KCNQ1: variants seen among roughly 807,000 people sequenced by gnomAD.
KCNQ1 encodes the protein potassium voltage-gated channel subfamily Q member 1.
Under a neutral mutation model 72.4 loss-of-function variants are expected in KCNQ1, and 49 were observed. That is an observed-to-expected ratio of 0.68 (90% confidence interval 0.54 to 0.86). KCNQ1 has a LOEUF of 0.86. Among genes scored for constraint, KCNQ1 ranks in the 40% least tolerant of loss-of-function variants. The pLI is 0.00. For missense variants in KCNQ1, 790 were observed against 945.1 expected (o/e 0.84, Z 2.15); for synonymous variants, 450 against 412.6 (o/e 1.09, Z -1.10).
intron 15 of KCNQ1, among the ~76,000 whole-genome samples, chr11:2,842,140 C>A (rs948577100): frequency 6.6e-6 from 1 of 152,308 alleles, no homozygotes; most frequent in Non-Finnish European, 1.5e-5. Flanking sequence ...AGCCTCTGAG[C>A]GGACACACTC....
At chr11:2,696,795 T>C (rs1048776494) in intron 11 of KCNQ1, 2 of 398,510 alleles carry the variant, frequency 5.0e-6, no homozygotes, top group Non-Finnish European at 8.8e-6. Flanking sequence ...TAGACTGGTA[T>C]AAATTTTGCT....
chr11:2,630,772 G>A (rs1302146253), intron 10 of KCNQ1: 2 of 398,354 alleles, frequency 5.0e-6, no homozygotes, highest in Admixed American at 8.8e-5. Context: ...AAGAGTAGTT[G>A]CTGATAAACT....
At position 2,762,569 on chromosome 11, in the gene KCNQ1, G is replaced by A. The variant is rs1248924399; in HGVS notation, c.1515-6275G>A. On this transcript the variant is annotated intron_variant, in intron 11 of 15. Coordinates refer to ENST00000155840, the MANE Select transcript of KCNQ1 (RefSeq NM_000218.3). This position sits in a 1 kb window ranked among gnomAD's most constrained non-coding sequence, Gnocchi z 4.3. ...CCACGGGTCCCCAGGCCACAGACCG[G>A]TACCCATCCATAGACTGTTAGGAAC... 6.6e-6 allele frequency among the ~76,000 whole-genome samples: 1 copy of A among 152,194 alleles called. No individual in the cohort carries two copies. Among genetic ancestry groups the A allele is most frequent in the Admixed American group, 6.5e-5 (1 of 15,280 alleles).
intron 11 of KCNQ1, among the ~76,000 whole-genome samples, chr11:2,751,680 G>A (rs1353337108): frequency 1.3e-5 from 2 of 152,264 alleles, no homozygotes; most frequent in African/African-American, 2.4e-5. Context: ...CTCGGTGAGC[G>A]TAGCGTTACC....
chr11:2,635,544 TCTGTTTTGGTACCAGTACCATG>T (rs1411401479), intron 10 of KCNQ1: 1 of 152,182 alleles, frequency 6.6e-6, no homozygotes, highest in Non-Finnish European at 1.5e-5. Flanking sequence ...GGTCTATATC[TCTGTTTTGGTACCAGTACCATG>T]CTGTTTTGGT....
intron 15 of KCNQ1, among the ~76,000 whole-genome samples, chr11:2,794,732 A>G (rs1026616266): frequency 5.3e-5 from 8 of 152,170 alleles, no homozygotes; most frequent in Non-Finnish European, 1.2e-4. Flanking sequence ...GGACCCAGCA[A>G]GAGAGCCTGA....
chr11:2,686,436 C>T (rs1162926007), intron 11 of KCNQ1: 5 of 398,562 alleles, frequency 1.3e-5, no homozygotes, highest in Admixed American at 8.8e-5. Flanking sequence ...AGAGCCCCTC[C>T]ACTGCCAAGT....
At position 2,462,027 on chromosome 11, in the gene KCNQ1, C is replaced by T; in HGVS notation, c.386+16543C>T. On this transcript the variant is annotated intron_variant, in intron 1 of 15. Coordinates refer to ENST00000155840, the MANE Select transcript of KCNQ1 (RefSeq NM_000218.3). This position sits in a 1 kb window ranked among gnomAD's most constrained non-coding sequence, Gnocchi z 8.2. ...GTCCCAATACAGCTGGGATGCATTG[C>T]TGCTCCTTCCGCCATCCCAGCAGCT... is the stretch of plus-strand genomic sequence containing the variant. 1 of 338,564 alleles carries T rather than the reference C, an allele frequency of 3.0e-6. No homozygotes were observed. Among genetic ancestry groups the T allele is most frequent in the Non-Finnish European group, 5.9e-6 (1 of 168,978 alleles). The allele number at this position is 338,564 out of a possible 1,614,324, so 21.0% of individuals were successfully genotyped here. A position where few individuals can be genotyped will look rare whatever the true frequency, so the allele number is the denominator to read the frequency against.
intron 15 of KCNQ1, among the ~76,000 whole-genome samples, chr11:2,836,079 G>T (rs1848061584): frequency 6.6e-6 from 1 of 152,174 alleles, no homozygotes; most frequent in African/African-American, 2.4e-5. Flanking sequence ...GGCGTGGCGG[G>T]GGTGGGGGTC....
At position 2,674,077 on chromosome 11, in the gene KCNQ1, G is replaced by A. The variant is rs962020332; in HGVS notation, c.1514+11996G>A. 2 of 398,684 alleles carry A rather than the reference G, an allele frequency of 5.0e-6. No homozygotes were observed. Among genetic ancestry groups the A allele is most frequent in the East Asian group, 7.1e-5 (2 of 28,056 alleles). The allele number at this position is 398,684 out of a possible 1,614,324, so 24.7% of individuals were successfully genotyped here. On this transcript the variant is annotated intron_variant, in intron 11 of 15. Transcript: ENST00000155840. The surrounding 1 kb of genome is among the most constrained non-coding windows in gnomAD (Gnocchi z 5.9). ...TTGCTGGCTGCCCCATGGGGGCTTGGGCTAGGTCTCCCTGCCGGTGGGGAG... is the reference window on the plus strand; with the variant it reads ...TTGCTGGCTGCCCCATGGGGGCTTGAGCTAGGTCTCCCTGCCGGTGGGGAG...
At chr11:2,743,878 G>A (rs911664858) in intron 11 of KCNQ1, among the ~76,000 whole-genome samples, 3 of 152,214 alleles carry the variant, frequency 2.0e-5, no homozygotes, top group Non-Finnish European at 2.9e-5. Flanking sequence ...ATATTTCAGC[G>A]GGAGGTAAAC....
rs952620737 is a variant in KCNQ1, at chr11:2,678,350, G to A, written c.1514+16269G>A. 15 of 397,868 alleles carry A rather than the reference G, an allele frequency of 3.8e-5. No individual in the cohort carries two copies. Among genetic ancestry groups the A allele is most frequent in the African/African-American group, 1.4e-4 (7 of 48,420 alleles). 24.6% of individuals were successfully genotyped at this position (397,868 alleles called of 1,614,324 possible). On this transcript the variant is annotated intron_variant, in intron 11 of 15. Coordinates refer to ENST00000155840, the MANE Select transcript of KCNQ1 (RefSeq NM_000218.3). The surrounding 1 kb of genome is among the most constrained non-coding windows in gnomAD (Gnocchi z 4.9). ...TTTACATTTAAATCCTTGCTTTATC[G>A]GGATTTTGACAGAGTAATTAAATCC...
In KCNQ1 at chr11:2,491,836, AG is replaced by A. The variant is rs1445631052; in HGVS notation, c.387-36091del. ...GATCCTAAAAGCAGCAAGAAAAAAA[AG>A]ACTTATAATTGAACTCCATTATATC... On this transcript the variant is annotated intron_variant, in intron 1 of 15. Coordinates refer to ENST00000155840, the MANE Select transcript of KCNQ1 (RefSeq NM_000218.3). The surrounding 1 kb of genome is among the most constrained non-coding windows in gnomAD (Gnocchi z 4.1). 2.0e-5 allele frequency among the ~76,000 whole-genome samples: 3 copies of A among 152,220 alleles called. No individual in the cohort carries two copies. Among genetic ancestry groups the A allele is most frequent in the Admixed American group, 2.0e-4 (3 of 15,288 alleles).
At position 2,483,630 on chromosome 11, in the gene KCNQ1, C is replaced by A. The variant is rs940538730; in HGVS notation, c.386+38146C>A. Among the ~76,000 whole-genome samples the A allele has an allele frequency of 6.6e-6, 1 of 152,144 alleles. No individual in the cohort carries two copies. Among genetic ancestry groups the A allele is most frequent in the South Asian group, 2.1e-4 (1 of 4,828 alleles). On this transcript the variant is annotated intron_variant, in intron 1 of 15. Transcript: ENST00000155840. This position sits in a 1 kb window ranked among gnomAD's most constrained non-coding sequence, Gnocchi z 6.1. ...AGTACTGGGCGGCTGTTTTGTAGAA[C>A]GTCCCTCGGTTTGGATTCTCTGATA... is the stretch of plus-strand genomic sequence containing the variant.
At chr11:2,465,361 A>G (rs1846337604) in intron 1 of KCNQ1, among the ~76,000 whole-genome samples, 1 of 152,130 alleles carries the variant, frequency 6.6e-6, no homozygotes, top group Admixed American at 6.5e-5. Context: ...TGGGCAGTGC[A>G]CTGTCCCCAC....
intron 12 of KCNQ1, among the ~76,000 whole-genome samples, chr11:2,774,416 C>A (rs577237021): frequency 6.6e-6 from 1 of 152,178 alleles, no homozygotes; most frequent in Non-Finnish European, 1.5e-5. Context: ...AGGACACGGG[C>A]CCCATCCCAG....
chr11:2,571,959 G>A lies in KCNQ1; in HGVS notation c.684-54G>A, dbSNP rs189002633. On this transcript the variant is annotated intron_variant, in intron 4 of 15. Transcript: ENST00000155840. ...GCCATCGGCCAGCCCTAGGCCCGGC[G>A]TGAACAGCTGAGCCCAGCCTGGCTC... 246 of 1,505,308 alleles carry A rather than the reference G, an allele frequency of 1.6e-4. 1 individual carries two copies. The East Asian group carries it at 4.5e-3, about 28-fold the overall frequency. The allele number at this position is 1,505,308 out of a possible 1,614,324, so 93.2% of individuals were successfully genotyped here.
At chr11:2,643,028 T>G in intron 10 of KCNQ1, 1 of 398,008 alleles carries the variant, frequency 2.5e-6, no homozygotes, top group Non-Finnish European at 4.4e-6. Context: ...ATATGTGATA[T>G]GAATCCAATT....
Position 2,723,727 on chromosome 11 carries a change from G to A in KCNQ1, c.1515-45117G>A, listed in dbSNP as rs1360109016. On this transcript the variant is annotated intron_variant, in intron 11 of 15. Transcript: ENST00000155840. This position sits in a 1 kb window ranked among gnomAD's most constrained non-coding sequence, Gnocchi z 4.2. ...TTGCTCCCGGAGAAGACCCTTGGCA[G>A]ACAGCCTCTCCTCTACTAGCTAGTG... Among the ~76,000 whole-genome samples the A allele has an allele frequency of 6.6e-6, 1 of 152,214 alleles. No individual in the cohort carries two copies. The highest frequency in any genetic ancestry group is 1.5e-5 in the Non-Finnish European group (1 of 68,036).
Sources: allele counts gnomAD v4.1 joint callset (sites outside exome capture counted in the v4.1 genomes callset), GRCh38; gene constraint gnomAD v4.1.1; non-coding constraint Gnocchi (gnomAD v3.1); transcripts MANE v1.5; gene names NCBI Gene and HGNC (gene_info 2026-07-23, HGNC 2026-07-21).